Variants in PCDHGA2 observed in about 807,000 individuals in gnomAD.
PCDHGA2 encodes protocadherin gamma-A2.
Under a neutral mutation model 59.2 loss-of-function variants are expected in PCDHGA2, and 40 were observed. That is an observed-to-expected ratio of 0.68 (90% CI 0.52 to 0.88). The LOEUF is 0.88. Among genes scored for constraint, PCDHGA2 ranks in the 40% least tolerant of loss-of-function variants. The pLI, the probability that PCDHGA2 is intolerant of heterozygous loss-of-function variation, is 0.00. For missense variants in PCDHGA2, 1,226 were observed against 1,204.0 expected (o/e 1.02, Z -0.27); for synonymous variants, 560 against 526.0 (o/e 1.06, Z -0.89).
chr5:141,387,782 A>G lies in PCDHGA2; in HGVS notation c.2424+46387A>G, dbSNP rs145228594. 6.9e-3 allele frequency: 10,094 copies of G among 1,466,254 alleles called. 59 individuals are homozygous for G. The highest frequency in any genetic ancestry group is 8.3e-3 in the Non-Finnish European group (9,103 of 1,100,820). 90.8% of individuals were successfully genotyped at this position (1,466,254 alleles called of 1,614,324 possible). On this transcript the variant is annotated intron_variant, in intron 1 of 3. Transcript: ENST00000394576. ...AAGAAGAATTTTTTCTTGAACTGGA[A>G]CTGCAACTAAAGTCCGTTCGGAGAT... is the stretch of plus-strand genomic sequence containing the variant.
At chr5:141,399,473 A>G (rs2093815825) in intron 1 of PCDHGA2, 2 of 1,613,996 alleles carry the variant, frequency 1.2e-6, no homozygotes, top group Non-Finnish European at 1.7e-6. Context: ...CCGGTTTTCC[A>G]CCAGGCGTCC....
intron 1 of PCDHGA2, chr5:141,343,325 T>C: frequency 1.0e-6 from 1 of 980,834 alleles, no homozygotes; most frequent in Non-Finnish European, 1.2e-6. Flanking sequence ...GTGTTTCTTT[T>C]CTTTTTTTCC....
intron 1 of PCDHGA2, chr5:141,370,293 C>A: frequency 9.3e-7 from 1 of 1,074,278 alleles, no homozygotes; most frequent in Non-Finnish European, 1.3e-6. Flanking sequence ...AGAACCCAAG[C>A]ACAAAGACAA....
chr5:141,468,815 A>G (rs866523229), intron 1 of PCDHGA2, among the ~76,000 whole-genome samples: 7 of 151,958 alleles, frequency 4.6e-5, no homozygotes, highest in Middle Eastern at 3.4e-3. Context: ...GCAGTGAGCC[A>G]AGATCAAGCC....
Position 141,486,697 on chromosome 5 carries a change from C to G in PCDHGA2, c.2425-8110C>G. 1 of 1,614,176 alleles carries G rather than the reference C, an allele frequency of 6.2e-7. No individual in the cohort carries two copies. The highest frequency in any genetic ancestry group is 8.5e-7 in the Non-Finnish European group (1 of 1,180,032). ...GAGATGTATCAGCTTCCTCTTTCATCTCTCTGAACCCCCAGACAGGAGCTG... is the reference window on the plus strand; with the variant it reads ...GAGATGTATCAGCTTCCTCTTTCATGTCTCTGAACCCCCAGACAGGAGCTG... On this transcript the variant is annotated intron_variant, in intron 1 of 3. Coordinates refer to ENST00000394576, the MANE Select transcript of PCDHGA2 (RefSeq NM_018915.4). The surrounding 1 kb of genome is among the most constrained non-coding windows in gnomAD (Gnocchi z 5.0).
chr5:141,490,688 CTG>C lies in PCDHGA2; in HGVS notation c.2425-4118_2425-4117del. 6.2e-7 allele frequency: 1 copy of C among 1,614,218 alleles called. No homozygotes were observed. On this transcript the variant is annotated intron_variant, in intron 1 of 3. Coordinates refer to ENST00000394576, the MANE Select transcript of PCDHGA2 (RefSeq NM_018915.4). This position sits in a 1 kb window ranked among gnomAD's most constrained non-coding sequence, Gnocchi z 5.4. ...ACTGTGGCTGCCTCAGATCCAGACA[CTG>C]GGGATAATGCCCGCCTCACCTACTC... is the stretch of plus-strand genomic sequence containing the variant.
At chr5:141,371,218 C>T (rs1454546023) in intron 1 of PCDHGA2, 1 of 1,613,992 alleles carries the variant, frequency 6.2e-7, no homozygotes, top group South Asian at 1.1e-5. Context: ...GGCATCAATG[C>T]CGAAATCATC....
intron 1 of PCDHGA2, chr5:141,419,798 A>G: frequency 6.2e-7 from 1 of 1,614,050 alleles, no homozygotes; most frequent in Admixed American, 1.7e-5. Flanking sequence ...AGTCGCTGTA[A>G]GAGATGGAGG....
intron 2 of PCDHGA2, among the ~76,000 whole-genome samples, chr5:141,502,947 G>A (rs933409229): frequency 3.0e-4 from 45 of 151,030 alleles, no homozygotes; most frequent in Admixed American, 1.8e-3. Context: ...GGGTTCAAGC[G>A]ATTCTCCTGC....
chr5:141,356,651 A>G (rs1457721502), intron 1 of PCDHGA2: 1 of 1,614,048 alleles, frequency 6.2e-7, no homozygotes, highest in African/African-American at 1.3e-5. Flanking sequence ...AGTGGTGACA[A>G]TGCCCGAATC....
At chr5:141,428,255 G>C in intron 1 of PCDHGA2, 1 of 875,580 alleles carries the variant, frequency 1.1e-6, no homozygotes, top group Non-Finnish European at 1.8e-6. Flanking sequence ...CCAGACTTCA[G>C]TGACAGTCCT....
At chr5:141,357,294 C>T (rs1227374616) in intron 1 of PCDHGA2, 2 of 1,613,992 alleles carry the variant, frequency 1.2e-6, no homozygotes, top group South Asian at 2.2e-5. Context: ...TGGCAGTGGC[C>T]GCTGTCTCCT....
At position 141,503,992 on chromosome 5, in the gene PCDHGA2, A is replaced by G. The variant is rs1419698681; in HGVS notation, c.2484-1401A>G. 2.6e-5 allele frequency among the ~76,000 whole-genome samples: 4 copies of G among 152,116 alleles called. No homozygotes were observed. In the East Asian group the frequency reaches 7.7e-4, roughly 29 times the overall value. ...GGTGCCAAACCCTTCTTCTTACCTTACAGTCACTTAACTGTCTCTGCTGGT... is the reference window on the plus strand; with the variant it reads ...GGTGCCAAACCCTTCTTCTTACCTTGCAGTCACTTAACTGTCTCTGCTGGT... On this transcript the variant is annotated intron_variant, in intron 2 of 3. Transcript: ENST00000394576.
At chr5:141,415,264 C>G (rs1342050986) in intron 1 of PCDHGA2, 2 of 1,614,210 alleles carry the variant, frequency 1.2e-6, no homozygotes, top group Non-Finnish European at 1.7e-6. Flanking sequence ...CACTCTGTAC[C>G]TGGTGGTAGC....
In PCDHGA2 at chr5:141,413,613, TA is replaced by T. The variant is rs2095659138; in HGVS notation, c.2424+72220del. The T allele has an allele frequency of 4.3e-6, 7 of 1,613,714 alleles. No individual in the cohort carries two copies. The East Asian group carries it at 1.6e-4, about 36-fold the overall frequency. On this transcript the variant is annotated intron_variant, in intron 1 of 3. Transcript: ENST00000394576. Reference sequence around the variant, plus strand: ...AAGCAGAAAATCTAGACGTAAAAATTAATGAAAATGTCGCTGCGGGAATGCG... The same window carrying T: ...AAGCAGAAAATCTAGACGTAAAAATTATGAAAATGTCGCTGCGGGAATGCG...
chr5:141,497,412 A>G (rs963440048), intron 2 of PCDHGA2, among the ~76,000 whole-genome samples: 13 of 151,982 alleles, frequency 8.6e-5, no homozygotes, highest in African/African-American at 3.1e-4. Flanking sequence ...CTCCCATTCC[A>G]TCAAATGAGA....
chr5:141,442,786 A>T (rs569050347), intron 1 of PCDHGA2, among the ~76,000 whole-genome samples: 12 of 152,308 alleles, frequency 7.9e-5, no homozygotes, highest in African/African-American at 2.6e-4. Context: ...TATATTTTAT[A>T]ATTTTACTTT....
chr5:141,385,048 C>T (rs1015626472), intron 1 of PCDHGA2: 6 of 1,614,150 alleles, frequency 3.7e-6, no homozygotes, highest in Non-Finnish European at 3.4e-6. Flanking sequence ...GCTCAGGCTG[C>T]GGCGCTGGCA....
chr5:141,419,744 G>C (rs760207269), intron 1 of PCDHGA2: 1 of 1,613,896 alleles, frequency 6.2e-7, no homozygotes, highest in Non-Finnish European at 8.5e-7. Context: ...GGTGCGCATG[G>C]TGCGTGCTTT....
Sources: gnomAD v4.1 joint callset for allele counts (sites outside exome capture counted in the v4.1 genomes callset) on GRCh38, gnomAD v4.1.1 for gene constraint, Gnocchi (gnomAD v3.1) non-coding constraint, MANE v1.5 for transcripts, NCBI Gene and HGNC (gene_info 2026-07-23, HGNC 2026-07-21) for gene names.